Variants in EIPR1 observed in about 807,000 individuals in gnomAD.
EIPR1 encodes the protein EARP complex and GARP complex interacting protein 1, also known as EARP and GARP complex-interacting protein 1.
A neutral mutation model predicts 48.1 loss-of-function variants in EIPR1; 25 were observed. That is an observed-to-expected ratio of 0.52 (90% CI 0.38 to 0.73). EIPR1 has a LOEUF of 0.73. EIPR1 is among the 30% of genes least tolerant of loss of function. EIPR1 has a pLI of 0.00. For missense variants in EIPR1, 415 were observed against 506.2 expected, an observed-to-expected ratio of 0.82 and a Z score of 1.73; for synonymous variants, 204 against 201.9, an observed-to-expected ratio of 1.01 and a Z score of -0.09.
intron 4 of EIPR1, among the ~76,000 whole-genome samples, chr2:3,251,839 C>T (rs1667008172): frequency 6.6e-6 from 1 of 152,192 alleles, no homozygotes; most frequent in Non-Finnish European, 1.5e-5. Context: ...ATTTCATAAT[C>T]ACACTGTGAG....
intron 3 of EIPR1, among the ~76,000 whole-genome samples, chr2:3,289,644 C>T (rs776923600): frequency 1.2e-4 from 18 of 152,196 alleles, no homozygotes; most frequent in Non-Finnish European, 2.1e-4. Context: ...GCTTTGAATC[C>T]CGTAGGGTGT....
At chr2:3,285,114 C>G (rs376985678) in intron 3 of EIPR1, among the ~76,000 whole-genome samples, 50 of 152,288 alleles carry the variant, frequency 3.3e-4, no homozygotes, top group African/African-American at 1.1e-3. Context: ...CACTCCATCT[C>G]AGGGCAGGCC....
rs2103310921 is a variant in EIPR1, at chr2:3,312,622, T to C, written c.259+25395A>G. On this transcript the variant is annotated intron_variant, in intron 3 of 8. Coordinates refer to ENST00000382125, the MANE Select transcript of EIPR1 (RefSeq NM_003310.5). This position sits in a 1 kb window ranked among gnomAD's most constrained non-coding sequence, Gnocchi z 5.5. ...TATCCCTAGCTTTGCAGGTAAAGCT[T>C]TGCAGGGAGAAGGACCCACGATGCC... 6.6e-6 allele frequency among the ~76,000 whole-genome samples: 1 copy of C among 152,278 alleles called. No homozygotes were observed. Among genetic ancestry groups the C allele is most frequent in the African/African-American group, 2.4e-5 (1 of 41,564 alleles).
At position 3,287,541 on chromosome 2, in the gene EIPR1, C is replaced by T. The variant is rs186765790; in HGVS notation, c.260-30086G>A. On this transcript the variant is annotated intron_variant, in intron 3 of 8. Transcript: ENST00000382125. ...TTTGTTCACCACGCTCCAGAAAGCT[C>T]GTTCACCACAATCTAGAAAGCGCGT... is the stretch of plus-strand genomic sequence containing the variant. Among the ~76,000 whole-genome samples the T allele has an allele frequency of 3.3e-4, 50 of 151,788 alleles. 1 individual carries two copies. Among genetic ancestry groups the T allele is most frequent in the African/African-American group, 9.4e-4 (39 of 41,378 alleles).
chr2:3,296,098 T>C (rs1273484463), intron 3 of EIPR1, among the ~76,000 whole-genome samples: 8 of 56,570 alleles, frequency 1.4e-4, no homozygotes, highest in Admixed American at 2.2e-4. Context: ...ATCCAGCCCA[T>C]CCTCTCTACA....
intron 5 of EIPR1, among the ~76,000 whole-genome samples, chr2:3,205,931 T>C (rs1457781224): frequency 6.6e-6 from 1 of 152,208 alleles, no homozygotes; most frequent in Non-Finnish European, 1.5e-5. Flanking sequence ...AAACATGTTT[T>C]TCTTCATCTT....
chr2:3,284,761 A>T (rs1364932371), intron 3 of EIPR1, among the ~76,000 whole-genome samples: 1 of 152,102 alleles, frequency 6.6e-6, no homozygotes, highest in Non-Finnish European at 1.5e-5. Context: ...CCGTGTCATT[A>T]TCCTGCCTTT....
chr2:3,364,485 A>T (rs1310691034), intron 1 of EIPR1, among the ~76,000 whole-genome samples: 1 of 151,936 alleles, frequency 6.6e-6, no homozygotes, highest in Non-Finnish European at 1.5e-5. Flanking sequence ...CAAAAAAAAA[A>T]TTAACCTGGT....
chr2:3,354,777 A>G lies in EIPR1; in HGVS notation c.43-144T>C, dbSNP rs1670680847. 16 of 810,834 alleles carry G rather than the reference A, an allele frequency of 2.0e-5. No individual in the cohort carries two copies. In the South Asian group the frequency reaches 3.1e-4, roughly 16 times the overall value. The allele number at this position is 810,834 out of a possible 1,614,324, so 50.2% of individuals were successfully genotyped here. On this transcript the variant is annotated intron_variant, in intron 1 of 8. Transcript: ENST00000382125. Reference sequence around the variant, plus strand: ...AGAGTGTCTGGAAAGCAATTTAGAAATATGTATTAAATGCCTTTGACTTTT... The same window carrying G: ...AGAGTGTCTGGAAAGCAATTTAGAAGTATGTATTAAATGCCTTTGACTTTT...
chr2:3,320,906 T>C (rs986769572), intron 3 of EIPR1, among the ~76,000 whole-genome samples: 1 of 152,234 alleles, frequency 6.6e-6, no homozygotes, highest in Non-Finnish European at 1.5e-5. Flanking sequence ...CTGACTCTGT[T>C]TTTGTTAGTC....
At chr2:3,265,328 T>TCA (rs1181705985) in intron 3 of EIPR1, among the ~76,000 whole-genome samples, 2 of 152,068 alleles carry the variant, frequency 1.3e-5, no homozygotes, top group African/African-American at 4.8e-5. Flanking sequence ...CTCCACATCC[T>TCA]CAGAGGCAGA....
Position 3,189,126 on chromosome 2 carries a change from A to G in EIPR1, c.*208T>C. 2.3e-6 allele frequency: 1 copy of G among 429,292 alleles called. No individual in the cohort carries two copies. Among genetic ancestry groups the G allele is most frequent in the Non-Finnish European group, 4.1e-6 (1 of 246,302 alleles). The allele number at this position is 429,292 out of a possible 1,614,324, so 26.6% of individuals were successfully genotyped here. ...ATAATGTGGGGCTCTGTCTCTGCCG[A>G]CAGGGGCTGGGTTCGGGCATTAGCT... On this transcript the variant is annotated 3_prime_UTR_variant, in exon 9 of 9. Coordinates refer to ENST00000382125, the MANE Select transcript of EIPR1 (RefSeq NM_003310.5). The surrounding 1 kb of genome is among the most constrained non-coding windows in gnomAD (Gnocchi z 4.6).
intron 3 of EIPR1, 46 bp from the exon 4 acceptor site, chr2:3,257,501 C>T (rs543057141): frequency 6.2e-7 from 1 of 1,600,076 alleles, no homozygotes. Flanking sequence ...GCACGGTGTG[C>T]CCCGCATTCT....
intron 5 of EIPR1, among the ~76,000 whole-genome samples, chr2:3,212,720 G>A (rs1665499567): frequency 6.6e-6 from 1 of 152,116 alleles, no homozygotes; most frequent in Non-Finnish European, 1.5e-5. Context: ...GGTCCACGGG[G>A]GTCAATCTCA....
intron 7 of EIPR1, among the ~76,000 whole-genome samples, chr2:3,193,092 C>T (rs1664666634): frequency 6.6e-6 from 1 of 152,202 alleles, no homozygotes; most frequent in African/African-American, 2.4e-5. Flanking sequence ...TGCCTCCCGT[C>T]ATGCTGAGGC....
At chr2:3,317,601 C>A (rs1306697710) in intron 3 of EIPR1, among the ~76,000 whole-genome samples, 1 of 152,222 alleles carries the variant, frequency 6.6e-6, no homozygotes, top group Non-Finnish European at 1.5e-5. Context: ...TAAATAAACA[C>A]ACTGAAGACT....
intron 6 of EIPR1, among the ~76,000 whole-genome samples, chr2:3,196,651 ATGG>A (rs201954487): frequency 0.01 from 1,532 of 152,306 alleles, 33 homozygotes; most frequent in African/African-American, 0.035. Context: ...AGATATCAAT[ATGG>A]AACATTAAAC....
At chr2:3,277,379 A>G (rs187302038) in intron 3 of EIPR1, among the ~76,000 whole-genome samples, 2 of 152,312 alleles carry the variant, frequency 1.3e-5, no homozygotes, top group South Asian at 2.1e-4. Flanking sequence ...TAATTTACAT[A>G]AGAAGGGTGA....
chr2:3,287,896 G>GAAAGC (rs1558275366), intron 3 of EIPR1, among the ~76,000 whole-genome samples: 2 of 123,618 alleles, frequency 1.6e-5, no homozygotes, highest in South Asian at 2.6e-4. Context: ...TCGGCATGCT[G>GAAAGC]TAGCCCCTAT....
Sources: allele counts gnomAD v4.1 joint callset (sites outside exome capture counted in the v4.1 genomes callset), GRCh38; gene constraint gnomAD v4.1.1; non-coding constraint Gnocchi (gnomAD v3.1); transcripts MANE v1.5; gene names NCBI Gene and HGNC (gene_info 2026-07-23, HGNC 2026-07-21).